ACTN4: variants seen among roughly 807,000 people sequenced by gnomAD.
ACTN4 encodes the protein actinin alpha 4.
Under a neutral mutation model 114.2 loss-of-function variants are expected in ACTN4, and 18 were observed. That is an observed-to-expected ratio of 0.16 (90% CI 0.11 to 0.23). The LOEUF is 0.23. Ranked by LOEUF, ACTN4 falls within the 10% of genes least tolerant of loss-of-function variation. ACTN4 has a pLI of 1.00. For synonymous variants in ACTN4, 515 were observed against 506.3 expected, an observed-to-expected ratio of 1.02 and a Z score of -0.23; for missense variants, 722 against 1,262.9, an observed-to-expected ratio of 0.57 and a Z score of 6.49.
At position 38,729,418 on chromosome 19, in the gene ACTN4, G is replaced by T; in HGVS notation, c.2722G>T (p.Glu908Ter). ...YKSFSTALYG[E>*]SDL ...GTCCTTCTCCACGGCCTTGTATGGC[G>T]AGAGCGACCTGTGAGGCCCCAGAGA... is the stretch of plus-strand genomic sequence containing the variant. Residue 908 changes from glutamate to a stop codon, truncating the protein, a stop_gained, in exon 21 of 21, where the codon GAG becomes TAG. Transcript: ENST00000252699. LOFTEE classifies it high-confidence loss of function. 6.2e-7 allele frequency: 1 copy of T among 1,612,824 alleles called. No individual in the cohort carries two copies.
intron 1 of ACTN4, among the ~76,000 whole-genome samples, chr19:38,650,195 A>G (rs1340236611): frequency 6.6e-6 from 1 of 151,994 alleles, no homozygotes; most frequent in Non-Finnish European, 1.5e-5. Flanking sequence ...CTCAGGTGAT[A>G]AGGGTGGGGG....
intron 1 of ACTN4, among the ~76,000 whole-genome samples, chr19:38,683,709 A>G (rs770535184): frequency 3.9e-5 from 6 of 152,234 alleles, no homozygotes; most frequent in Non-Finnish European, 7.3e-5. Flanking sequence ...GTCAGTTAAC[A>G]TGCTGTCTTG....
At position 38,731,376 on chromosome 19, in the gene ACTN4, TTCAATCCTCTGGGCCTGTTTCC is replaced by T; in HGVS notation, c.*1948_*1969del. 1.5e-6 allele frequency: 1 copy of T among 646,282 alleles called. No individual in the cohort carries two copies. The highest frequency in any genetic ancestry group is 2.8e-6 in the Non-Finnish European group (1 of 356,112). 40.0% of individuals were successfully genotyped at this position (646,282 alleles called of 1,614,324 possible). A position where few individuals can be genotyped will look rare whatever the true frequency, so the allele number is the denominator to read the frequency against. On this transcript the variant is annotated 3_prime_UTR_variant, in exon 21 of 21. Transcript: ENST00000252699. ...GGCAGGGTGAGTACAGGCTGATCCC[TTCAATCCTCTGGGCCTGTTTCC>T]TCATCCATCAAACGGACTAAGACAG...
intron 1 of ACTN4, among the ~76,000 whole-genome samples, chr19:38,659,519 C>A (rs2043541347): frequency 6.6e-6 from 1 of 152,036 alleles, no homozygotes; most frequent in African/African-American, 2.4e-5. Flanking sequence ...TGTAGAAACA[C>A]CTCAGAGATT....
At chr19:38,652,883 C>T (rs1477820142) in intron 1 of ACTN4, among the ~76,000 whole-genome samples, 2 of 151,936 alleles carry the variant, frequency 1.3e-5, no homozygotes, top group East Asian at 1.9e-4. Context: ...GTCAGGAGTT[C>T]GAGACCAGCC....
chr19:38,673,541 A>G (rs1967226072), intron 1 of ACTN4, among the ~76,000 whole-genome samples: 2 of 112,320 alleles, frequency 1.8e-5, no homozygotes, highest in African/African-American at 6.4e-5. Flanking sequence ...ATATACTTAT[A>G]TATATTTATA....
chr19:38,688,755 T>G (rs1189247741), intron 1 of ACTN4, among the ~76,000 whole-genome samples: 2 of 151,352 alleles, frequency 1.3e-5, no homozygotes, highest in African/African-American at 2.4e-5. Flanking sequence ...AAAACCACAA[T>G]GAGATACCAC....
chr19:38,713,750 ACTC>A (rs1211608817), intron 8 of ACTN4, among the ~76,000 whole-genome samples: 1 of 150,644 alleles, frequency 6.6e-6, no homozygotes, highest in African/African-American at 2.4e-5. Flanking sequence ...TGCCGTTTCA[ACTC>A]CTCCTCTTGG....
chr19:38,681,087 C>G (rs1300899329), intron 1 of ACTN4, among the ~76,000 whole-genome samples: 1 of 129,818 alleles, frequency 7.7e-6, no homozygotes, highest in African/African-American at 2.8e-5. Flanking sequence ...GATTGCGCCA[C>G]TGTACTCTAG....
intron 1 of ACTN4, among the ~76,000 whole-genome samples, chr19:38,672,759 G>C (rs569156579): frequency 1.3e-5 from 2 of 151,342 alleles, no homozygotes; most frequent in East Asian, 4.0e-4. Context: ...TTTTAGTAGA[G>C]ACGGGGTTTC....
chr19:38,648,923 G>A (rs1351775346), intron 1 of ACTN4, among the ~76,000 whole-genome samples: 2 of 151,820 alleles, frequency 1.3e-5, no homozygotes, highest in Non-Finnish European at 2.9e-5. Flanking sequence ...TGGGAGAGAG[G>A]TTCGTTTAGG....
chr19:38,649,936 G>T (rs1976511252), intron 1 of ACTN4, among the ~76,000 whole-genome samples: 1 of 152,144 alleles, frequency 6.6e-6, no homozygotes, highest in South Asian at 2.1e-4. Context: ...CCTTATCCGT[G>T]GCCCCACCTA....
chr19:38,705,932 C>T, intron 4 of ACTN4, 112 bp from the exon 5 acceptor site: 1 of 990,122 alleles, frequency 1.0e-6, no homozygotes, highest in Non-Finnish European at 1.6e-6. Flanking sequence ...GATATCCTCT[C>T]CCCTTGGGTT....
intron 1 of ACTN4, among the ~76,000 whole-genome samples, chr19:38,672,169 C>T (rs1967148832): frequency 6.7e-6 from 1 of 149,896 alleles, no homozygotes. Context: ...ACGAACATGG[C>T]GGGAGTTCTC....
At chr19:38,728,309 G>T in intron 19 of ACTN4, 1 of 1,515,526 alleles carries the variant, frequency 6.6e-7, no homozygotes. Flanking sequence ...CTGCGTCCTC[G>T]GAGCAGAAGC....
intron 1 of ACTN4, among the ~76,000 whole-genome samples, chr19:38,671,220 T>C (rs1458117774): frequency 6.6e-6 from 1 of 152,228 alleles, no homozygotes; most frequent in Non-Finnish European, 1.5e-5. Context: ...CCCATCACCA[T>C]AGATAATTAA....
Position 38,731,570 on chromosome 19 carries a change from T to A in ACTN4, c.*2138T>A, listed in dbSNP as rs1410160288. On this transcript the variant is annotated 3_prime_UTR_variant, in exon 21 of 21. Coordinates refer to ENST00000252699, the MANE Select transcript of ACTN4 (RefSeq NM_004924.6). ...GAGGATATTTCTGTGCAGCAAAAAA[T>A]ATAGTCAATCCCATATGGAGTCAGT... is the stretch of plus-strand genomic sequence containing the variant. The A allele has an allele frequency of 1.2e-5, 4 of 347,596 alleles. No individual in the cohort carries two copies. Among genetic ancestry groups the A allele is most frequent in the Non-Finnish European group, 1.1e-5 (2 of 181,188 alleles). 21.5% of individuals were successfully genotyped at this position (347,596 alleles called of 1,614,324 possible).
At position 38,687,181 on chromosome 19, in the gene ACTN4, C is replaced by T. The variant is rs138140047; in HGVS notation, c.163-13419C>T. 2.6e-3 allele frequency among the ~76,000 whole-genome samples: 397 copies of T among 152,076 alleles called. 2 individuals carry two copies. The highest frequency in any genetic ancestry group is 8.6e-3 in the African/African-American group (357 of 41,460). On this transcript the variant is annotated intron_variant, in intron 1 of 20. Coordinates refer to ENST00000252699, the MANE Select transcript of ACTN4 (RefSeq NM_004924.6). ...GCTGGTCTCTACTAATAGTTCAAGA[C>T]GGCTGGTCTTGAACTCCTGACCTCA...
chr19:38,680,567 G>C (rs143095322), intron 1 of ACTN4, among the ~76,000 whole-genome samples: 5 of 152,248 alleles, frequency 3.3e-5, no homozygotes, highest in South Asian at 2.1e-4. Flanking sequence ...GACGTTGCCT[G>C]ATGCCCACTG....
Sources: gnomAD v4.1 joint callset for allele counts (sites outside exome capture counted in the v4.1 genomes callset) on GRCh38, gnomAD v4.1.1 for gene constraint, MANE v1.5 for transcripts, NCBI Gene and HGNC (gene_info 2026-07-23, HGNC 2026-07-21) for gene names.